Variants in LINGO1 observed in about 807,000 individuals in gnomAD.
LINGO1 encodes the protein leucine-rich repeat and immunoglobulin-like domain-containing nogo receptor-interacting protein 1.
In LINGO1, 11 loss-of-function variants were observed where a neutral mutation model predicts 37.3. The observed-to-expected ratio is 0.29, with a 90% CI of 0.19 to 0.49. The LOEUF is 0.49. LINGO1 is among the 20% of genes least tolerant of loss of function. LINGO1 has a pLI of 0.99. For missense variants in LINGO1, 585 were observed against 878.2 expected (o/e 0.67, Z 4.22); for synonymous variants, 387 against 403.0 (o/e 0.96, Z 0.48).
chr15:77,817,659 GC>G (rs908132013), intron 1 of LINGO1, among the ~76,000 whole-genome samples: 1 of 152,164 alleles, frequency 6.6e-6, no homozygotes, highest in Non-Finnish European at 1.5e-5. Context: ...ACAGCCGCCA[GC>G]CCAGTAAACG....
At chr15:77,745,302 T>C (rs1269785075) in intron 1 of LINGO1, among the ~76,000 whole-genome samples, 1 of 151,368 alleles carries the variant, frequency 6.6e-6, no homozygotes, top group Non-Finnish European at 1.5e-5. Context: ...GGTGGGCGCT[T>C]GTAGTCCCAG....
chr15:77,781,091 G>A (rs939763231), intron 1 of LINGO1, among the ~76,000 whole-genome samples: 1 of 152,228 alleles, frequency 6.6e-6, no homozygotes, highest in Non-Finnish European at 1.5e-5. Flanking sequence ...CAGCCAGCCC[G>A]CAAATCCTCA....
Position 77,632,477 on chromosome 15 carries a change from T to A in LINGO1, c.-162A>T. 1.5e-6 allele frequency: 1 copy of A among 658,354 alleles called. No homozygotes were observed. Among genetic ancestry groups the A allele is most frequent in the Non-Finnish European group, 2.1e-6 (1 of 475,140 alleles). 40.8% of individuals were successfully genotyped at this position (658,354 alleles called of 1,614,324 possible). A position where few individuals can be genotyped will look rare whatever the true frequency, so the allele number is the denominator to read the frequency against. ...GCCCTCGCGGGGCTGGCTGTCCGTC[T>A]GTCCGCCCCGCGCGGGCGGGAGCCG... On this transcript the variant is annotated 5_prime_UTR_variant, in exon 1 of 2. Coordinates refer to ENST00000355300, the MANE Select transcript of LINGO1 (RefSeq NM_032808.7). This position sits in a 1 kb window ranked among gnomAD's most constrained non-coding sequence, Gnocchi z 6.0.
chr15:77,629,940 G>C (rs1482322980), intron 1 of LINGO1, among the ~76,000 whole-genome samples: 1 of 152,166 alleles, frequency 6.6e-6, no homozygotes, highest in Non-Finnish European at 1.5e-5. Flanking sequence ...AGGGGGTCAG[G>C]AGAAGGAGAG....
At chr15:77,755,762 C>A (rs968626479) in intron 1 of LINGO1, among the ~76,000 whole-genome samples, 18 of 152,178 alleles carry the variant, frequency 1.2e-4, no homozygotes, top group Non-Finnish European at 2.2e-4. Flanking sequence ...CAGCTCTGTG[C>A]CTTTGTCAGT....
At chr15:77,710,859 T>C (rs1050669973) in intron 2 of LINGO1, among the ~76,000 whole-genome samples, 2 of 152,380 alleles carry the variant, frequency 1.3e-5, no homozygotes, top group Middle Eastern at 3.4e-3. Flanking sequence ...GCAGCTTTGA[T>C]GGTGCCAGGC....
At chr15:77,639,615 C>T (rs889250523) in intron 3 of LINGO1, among the ~76,000 whole-genome samples, 5 of 152,060 alleles carry the variant, frequency 3.3e-5, no homozygotes, top group East Asian at 1.9e-4. Flanking sequence ...ACGGTACATT[C>T]GCACAATGGA....
intron 2 of LINGO1, among the ~76,000 whole-genome samples, chr15:77,678,704 T>C (rs1436941063): frequency 6.6e-6 from 1 of 152,232 alleles, no homozygotes; most frequent in Non-Finnish European, 1.5e-5. Flanking sequence ...CTGAGTTGTG[T>C]GGTAAGCCTA....
intron 1 of LINGO1, among the ~76,000 whole-genome samples, chr15:77,737,442 AGAGGGAGGAAGGG>A (rs1228705035): frequency 5.3e-5 from 8 of 151,980 alleles, no homozygotes; most frequent in Non-Finnish European, 1.0e-4. Context: ...GGGAGGAAGG[AGAGGGAGGAAGGG>A]GAGGAAGGAG....
intron 1 of LINGO1, among the ~76,000 whole-genome samples, chr15:77,739,112 G>T (rs1182131540): frequency 6.6e-6 from 1 of 152,258 alleles, no homozygotes; most frequent in East Asian, 1.9e-4. Context: ...CATTCAGGAG[G>T]GAGCCTTGGG....
At chr15:77,779,269 C>T (rs572507548) in intron 1 of LINGO1, among the ~76,000 whole-genome samples, 1 of 152,128 alleles carries the variant, frequency 6.6e-6, no homozygotes, top group Non-Finnish European at 1.5e-5. Context: ...CTCTCTCCCC[C>T]ACTACAGCAG....
intron 1 of LINGO1, among the ~76,000 whole-genome samples, chr15:77,774,518 T>A (rs550223366): frequency 3.9e-5 from 6 of 152,242 alleles, no homozygotes; most frequent in African/African-American, 1.4e-4. Flanking sequence ...GGCTGCTCTG[T>A]GGGATCACGC....
chr15:77,687,094 G>T (rs757466719), intron 2 of LINGO1, among the ~76,000 whole-genome samples: 3 of 152,162 alleles, frequency 2.0e-5, no homozygotes, highest in Non-Finnish European at 4.4e-5. Flanking sequence ...TCAGGGCTCG[G>T]TGTAGGACCA....
At chr15:77,671,533 G>A (rs1248564927) in intron 3 of LINGO1, among the ~76,000 whole-genome samples, 1 of 152,246 alleles carries the variant, frequency 6.6e-6, no homozygotes, top group Non-Finnish European at 1.5e-5. Flanking sequence ...CCGGGGCAGA[G>A]TGAAGCTAGG....
chr15:77,664,170 T>TGCGCGC (rs143405934), intron 3 of LINGO1, among the ~76,000 whole-genome samples: 19 of 131,004 alleles, frequency 1.5e-4, no homozygotes, highest in African/African-American at 6.2e-4. Context: ...TGTGTGTGTG[T>TGCGCGC]GCGCGCGCGC....
chr15:77,819,541 A>G (rs1357591162), intron 1 of LINGO1: 3 of 149,536 alleles, frequency 2.0e-5, no homozygotes, highest in African/African-American at 4.9e-5. Flanking sequence ...CAGAATCTCT[A>G]CCGCGCGCCC....
intron 3 of LINGO1, chr15:77,642,058 G>A (rs28477573): frequency 0.013 from 5,627 of 448,288 alleles, 254 homozygotes; most frequent in African/African-American, 0.1. Flanking sequence ...GAGCATATGC[G>A]TGTGACATTT....
intron 3 of LINGO1, among the ~76,000 whole-genome samples, chr15:77,664,170 T>TGTGTGTGTGTGTGTGCGC: frequency 1.5e-5 from 2 of 130,946 alleles, no homozygotes; most frequent in African/African-American, 7.3e-5. Flanking sequence ...TGTGTGTGTG[T>TGTGTGTGTGTGTGTGCGC]GCGCGCGCGC....
At chr15:77,773,522 T>TCCA (rs2076606310) in intron 1 of LINGO1, among the ~76,000 whole-genome samples, 1 of 151,952 alleles carries the variant, frequency 6.6e-6, no homozygotes, top group Non-Finnish European at 1.5e-5. Context: ...CCTGTGCCCC[T>TCCA]CCACCACCCT....
Sources: allele counts gnomAD v4.1 joint callset (sites outside exome capture counted in the v4.1 genomes callset), GRCh38; gene constraint gnomAD v4.1.1; non-coding constraint Gnocchi (gnomAD v3.1); transcripts MANE v1.5; gene names NCBI Gene and HGNC (gene_info 2026-07-23, HGNC 2026-07-21).